CHRDL2: variants seen among roughly 807,000 people sequenced by gnomAD.
CHRDL2 encodes the protein chordin-like protein 2.
In CHRDL2, 41 loss-of-function variants were observed where a neutral mutation model predicts 54.3. The ratio of observed to expected loss-of-function variants is 0.76; its 90% CI spans 0.59 to 0.98. CHRDL2 has a LOEUF of 0.98. Ranked by LOEUF, CHRDL2 falls within the 50% of genes least tolerant of loss-of-function variation. The pLI is 0.00. For missense variants in CHRDL2, 518 were observed against 562.4 expected (o/e 0.92, Z 0.80); for synonymous variants, 220 against 224.3 (o/e 0.98, Z 0.17).
chr11:74,703,295 C>T lies in CHRDL2; in HGVS notation c.946+10G>A. 6.3e-7 allele frequency: 1 copy of T among 1,586,616 alleles called. No individual in the cohort carries two copies. The highest frequency in any genetic ancestry group is 1.3e-5 in the African/African-American group (1 of 74,394). On this transcript the variant is annotated intron_variant, in intron 8 of 10. Transcript: ENST00000376332. The stretch of plus-strand genomic sequence containing the variant: ...CCAGCGCCCTCCTTGCTCCCAGTGC[C>T]CCTGTGTACCTGGGCAAATCTTGCA...
chr11:74,718,850 GC>G lies in CHRDL2; in HGVS notation c.83-19del. 6.6e-7 allele frequency: 1 copy of G among 1,511,738 alleles called. No individual in the cohort carries two copies. The highest frequency in any genetic ancestry group is 9.1e-7 in the Non-Finnish European group (1 of 1,094,804). The allele number at this position is 1,511,738 out of a possible 1,614,324, so 93.6% of individuals were successfully genotyped here. On this transcript the variant is annotated intron_variant, in intron 1 of 10. Coordinates refer to ENST00000376332, the MANE Select transcript of CHRDL2 (RefSeq NM_001278473.3). ...GTCTGGGCCTGGCAAACCGACCAGT[GC>G]CATGTTAGTCCCAGGAGGCTCCAGC...
intron 6 of CHRDL2, 186 bp from the exon 7 acceptor site, chr11:74,704,840 G>A (rs895437776): frequency 1.9e-5 from 12 of 617,972 alleles, no homozygotes; most frequent in African/African-American, 3.8e-5. Context: ...CAGACAGTTC[G>A]ATCTTTGAAA....
At chr11:74,723,970 G>T (rs2034535390) in intron 1 of CHRDL2, among the ~76,000 whole-genome samples, 1 of 152,058 alleles carries the variant, frequency 6.6e-6, no homozygotes, top group African/African-American at 2.4e-5. Flanking sequence ...TTTATTTATT[G>T]AACTTTTTGT....
chr11:74,730,004 C>T (rs1297676367), intron 1 of CHRDL2, among the ~76,000 whole-genome samples: 1 of 152,178 alleles, frequency 6.6e-6, no homozygotes, highest in African/African-American at 2.4e-5. Flanking sequence ...GTGCTAGCTG[C>T]TTTACCTCTT....
chr11:74,731,409 C>T lies in CHRDL2; in HGVS notation c.-521G>A, dbSNP rs1284332545. The T allele has an allele frequency of 6.6e-6, 1 of 151,128 alleles. No individual in the cohort carries two copies. The highest frequency in any genetic ancestry group is 2.4e-5 in the African/African-American group (1 of 41,174). 9.4% of individuals were successfully genotyped at this position (151,128 alleles called of 1,614,324 possible). ...GCCGCGGAGGGAGGCTGAGCGCGGG[C>T]CGGCTGTGCTCGCCAAGGGCTTCAG... On this transcript the variant is annotated 5_prime_UTR_variant, in exon 1 of 11. Coordinates refer to ENST00000376332, the MANE Select transcript of CHRDL2 (RefSeq NM_001278473.3). This position sits in a 1 kb window ranked among gnomAD's most constrained non-coding sequence, Gnocchi z 4.4.
At chr11:74,697,561 T>C in intron 9 of CHRDL2, 1 of 545,742 alleles carries the variant, frequency 1.8e-6, no homozygotes, top group Non-Finnish European at 3.4e-6. Context: ...CCCTCTAATC[T>C]GCAATCCTAG....
rs1261381310 is a variant in CHRDL2 at position 74,708,372 on chromosome 11, G to A, written c.456C>T (p.Leu152=). 1 of 1,588,622 alleles carries A rather than the reference G, an allele frequency of 6.3e-7. No individual in the cohort carries two copies. The highest frequency in any genetic ancestry group is 1.1e-5 in the South Asian group (1 of 87,488). Residue 152 remains leucine, a synonymous_variant, in exon 5 of 11, where the codon CTC becomes CTT. Transcript: ENST00000376332. ...SCTEGQIYCG[L]TTCPEPGCPA... ...GGCAGCCTGGTTCGGGGCAGGTTGT[G>A]AGGCCGCAGTAGATCTGGCCCTCCT...
intron 1 of CHRDL2, among the ~76,000 whole-genome samples, chr11:74,719,737 A>G (rs547214699): frequency 3.3e-4 from 51 of 152,324 alleles, no homozygotes; most frequent in African/African-American, 1.2e-3. Flanking sequence ...GCTTCTAAGA[A>G]TTACTAAAAT....
In CHRDL2 at chr11:74,716,957, G is replaced by T. The variant is rs566864560; in HGVS notation, c.195+1763C>A. Reference sequence around the variant, plus strand: ...AAAATAACAAAAATTAGCTGGGCATGGTGGCACACACCTGTGGTCCCAGCT... The same window carrying T: ...AAAATAACAAAAATTAGCTGGGCATTGTGGCACACACCTGTGGTCCCAGCT... On this transcript the variant is annotated intron_variant, in intron 2 of 10. Transcript: ENST00000376332. 8.7e-4 allele frequency among the ~76,000 whole-genome samples: 133 copies of T among 152,258 alleles called. 1 individual carries two copies. The highest frequency in any genetic ancestry group is 3.0e-3 in the African/African-American group (125 of 41,558).
chr11:74,716,201 A>C (rs1315628895), intron 2 of CHRDL2, among the ~76,000 whole-genome samples: 1 of 151,988 alleles, frequency 6.6e-6, no homozygotes, highest in Non-Finnish European at 1.5e-5. Context: ...AAACCGACAG[A>C]GGTCAGTGTG....
intron 4 of CHRDL2, among the ~76,000 whole-genome samples, chr11:74,709,421 G>A (rs551337046): frequency 6.6e-6 from 1 of 152,268 alleles, no homozygotes; most frequent in East Asian, 1.9e-4. Flanking sequence ...TTCTGAGCCC[G>A]TTTCCTCATC....
Position 74,710,972 on chromosome 11 carries a change from T to C in CHRDL2, c.309A>G (p.Gly103=). 1 of 1,613,578 alleles carries C rather than the reference T, an allele frequency of 6.2e-7. No individual in the cohort carries two copies. The highest frequency in any genetic ancestry group is 2.2e-5 in the East Asian group (1 of 44,846). ...PKCVEPHTPS[G]LRAPPKSCQH... is the part of the protein sequence containing the mutation. Reference sequence around the variant, plus strand: ...GGCAGGACTTTGGTGGGGCCCGGAGTCCAGAGGGAGTGTGAGGTTCTGCAG... The same window carrying C: ...GGCAGGACTTTGGTGGGGCCCGGAGCCCAGAGGGAGTGTGAGGTTCTGCAG... Residue 103 remains glycine, a synonymous_variant, in exon 4 of 11, where the codon GGA becomes GGG. Coordinates refer to ENST00000376332, the MANE Select transcript of CHRDL2 (RefSeq NM_001278473.3).
intron 2 of CHRDL2, among the ~76,000 whole-genome samples, chr11:74,717,286 G>A (rs2034387373): frequency 6.6e-6 from 1 of 152,104 alleles, no homozygotes; most frequent in African/African-American, 2.4e-5. Flanking sequence ...ATATTTTGCA[G>A]ATACCAGCAA....
chr11:74,701,749 T>G lies in CHRDL2; in HGVS notation c.1120+1045A>C, dbSNP rs1483378456. ...GTAAACTCCAAAGTGCTACACACAT[T>G]GGTTATTATTATCATTGTCATTTTT... On this transcript the variant is annotated intron_variant, in intron 9 of 10. Transcript: ENST00000376332. The G allele has an allele frequency of 1.6e-5, 9 of 548,748 alleles. 1 individual carries two copies. The South Asian group carries it at 2.2e-4, about 14-fold the overall frequency. 34.0% of individuals were successfully genotyped at this position (548,748 alleles called of 1,614,324 possible).
At chr11:74,717,940 T>G (rs756667914) in intron 2 of CHRDL2, among the ~76,000 whole-genome samples, 1 of 152,168 alleles carries the variant, frequency 6.6e-6, no homozygotes, top group Non-Finnish European at 1.5e-5. Flanking sequence ...TCCAATCTCA[T>G]ACCTTACTTG....
In CHRDL2 at chr11:74,697,550, C is replaced by G. The variant is rs2033641847; in HGVS notation, c.1121-253G>C. Reference sequence around the variant, plus strand: ...ACTAGAGTCCTAACCCCTTTCACTCCCCCTCTAATCTGCAATCCTAGCTCT... The same window carrying G: ...ACTAGAGTCCTAACCCCTTTCACTCGCCCTCTAATCTGCAATCCTAGCTCT... On this transcript the variant is annotated intron_variant, in intron 9 of 10. Coordinates refer to ENST00000376332, the MANE Select transcript of CHRDL2 (RefSeq NM_001278473.3). 2.7e-5 allele frequency: 15 copies of G among 549,356 alleles called. No homozygotes were observed. The Admixed American group carries it at 3.9e-4, about 14-fold the overall frequency. The allele number at this position is 549,356 out of a possible 1,614,324, so 34.0% of individuals were successfully genotyped here. A position where few individuals can be genotyped will look rare whatever the true frequency, so the allele number is the denominator to read the frequency against.
At chr11:74,696,789 A>T (rs2033609167) in intron 10 of CHRDL2, among the ~76,000 whole-genome samples, 2 of 152,112 alleles carry the variant, frequency 1.3e-5, no homozygotes, top group African/African-American at 4.8e-5. Context: ...ACCTTGGGGG[A>T]CAGAACTGGT....
chr11:74,703,582 C>A, intron 7 of CHRDL2, 83 bp from the exon 8 acceptor site: 2 of 1,273,524 alleles, frequency 1.6e-6, no homozygotes, highest in Non-Finnish European at 2.1e-6. Flanking sequence ...GTGGGGTGGG[C>A]CCTTGGGGAG....
chr11:74,725,419 G>C (rs1324411781), intron 1 of CHRDL2, among the ~76,000 whole-genome samples: 4 of 152,154 alleles, frequency 2.6e-5, no homozygotes, highest in African/African-American at 9.7e-5. Context: ...CCAGCTCCCT[G>C]CCATCTGAAT....
Sources: gnomAD v4.1 joint callset for allele counts (sites outside exome capture counted in the v4.1 genomes callset) on GRCh38, gnomAD v4.1.1 for gene constraint, Gnocchi (gnomAD v3.1) non-coding constraint, MANE v1.5 for transcripts, NCBI Gene and HGNC (gene_info 2026-07-23, HGNC 2026-07-21) for gene names.